Variants in SLX9 observed in about 807,000 individuals in gnomAD.
The protein encoded by SLX9 is SLX9 ribosome biogenesis factor.
Under a neutral mutation model 20.8 loss-of-function variants are expected in SLX9, and 19 were observed. That is an observed-to-expected ratio of 0.91 (90% confidence interval 0.64 to 1.34). SLX9 has a LOEUF of 1.34. Among genes scored for constraint, SLX9 ranks in the 40% most tolerant of loss-of-function variants. SLX9 has a pLI of 0.00. For missense variants in SLX9, 299 were observed against 322.2 expected (o/e 0.93, Z 0.55); for synonymous variants, 113 against 137.1 (o/e 0.82, Z 1.23).
intron 5 of SLX9, among the ~76,000 whole-genome samples, chr21:44,975,984 G>A (rs2085253798): frequency 6.6e-6 from 1 of 152,266 alleles, no homozygotes; most frequent in South Asian, 2.1e-4. Context: ...AGGCCGGAGG[G>A]GTACAGGCCC....
At chr21:44,971,179 G>GACCCCCCACGCTCTGGACCTCC (rs1222579976) in intron 4 of SLX9, among the ~76,000 whole-genome samples, 2 of 152,264 alleles carry the variant, frequency 1.3e-5, no homozygotes, top group African/African-American at 4.8e-5. Flanking sequence ...GTCGGGAGGG[G>GACCCCCCACGCTCTGGACCTCC]AGTGGTGGTG....
intron 2 of SLX9, among the ~76,000 whole-genome samples, chr21:44,946,247 T>A (rs142095246): frequency 3.5e-4 from 53 of 151,760 alleles, no homozygotes; most frequent in African/African-American, 1.2e-3. Flanking sequence ...GTAATTAATT[T>A]TTTTCTTAAT....
chr21:44,940,197 G>T lies in SLX9; in HGVS notation c.129+11G>T. ...TCGGCCGCGGGGAAGGTGAGCTGGG[G>T]AGGCGCTGGCCGGGGGCTGCCGCGT... On this transcript the variant is annotated intron_variant, in intron 1 of 5. Coordinates refer to ENST00000291634, the MANE Select transcript of SLX9 (RefSeq NM_058190.4). 8.1e-7 allele frequency: 1 copy of T among 1,239,368 alleles called. No homozygotes were observed. The highest frequency in any genetic ancestry group is 1.0e-6 in the Non-Finnish European group (1 of 988,046). 76.8% of individuals were successfully genotyped at this position (1,239,368 alleles called of 1,614,324 possible).
chr21:44,956,112 TTTTC>T (rs1222664074), intron 2 of SLX9, among the ~76,000 whole-genome samples: 3 of 152,232 alleles, frequency 2.0e-5, no homozygotes, highest in Non-Finnish European at 4.4e-5. Flanking sequence ...CTTTTCCTGT[TTTTC>T]TTTTCGGCTG....
At chr21:44,946,449 G>C (rs192581215) in intron 2 of SLX9, among the ~76,000 whole-genome samples, 2 of 150,610 alleles carry the variant, frequency 1.3e-5, no homozygotes, top group Admixed American at 6.5e-5. Flanking sequence ...TATTTGAGCC[G>C]TGCGGCAGGG....
In SLX9 at chr21:44,973,233, C is replaced by T. The variant is rs2085190470; in HGVS notation, c.537C>T (p.Ser179=). 1.9e-6 allele frequency: 3 copies of T among 1,612,838 alleles called. No homozygotes were observed. Among genetic ancestry groups the T allele is most frequent in the South Asian group, 2.2e-5 (2 of 91,066 alleles). Residue 179 remains serine, a synonymous_variant, in exon 5 of 6, where the codon AGC becomes AGT. Coordinates refer to ENST00000291634, the MANE Select transcript of SLX9 (RefSeq NM_058190.4). ...ACAAGCCCCGGCCCTCAGAGCTCAG[C>T]CGGATGAGCGCAGCCCAGAGACAGC... ...ESNKPRPSEL[S]RMSAAQRQQL...
chr21:44,953,065 G>A (rs545708780), intron 2 of SLX9, among the ~76,000 whole-genome samples: 2 of 152,256 alleles, frequency 1.3e-5, no homozygotes, highest in South Asian at 4.1e-4. Context: ...GCCTCTGGCA[G>A]CCTCCCCCTT....
chr21:44,942,695 G>A (rs1272224288), intron 1 of SLX9, among the ~76,000 whole-genome samples: 2 of 152,218 alleles, frequency 1.3e-5, no homozygotes, highest in East Asian at 3.8e-4. Flanking sequence ...ATAAGGAAAT[G>A]AAGACAAGGA....
At position 44,976,713 on chromosome 21, in the gene SLX9, G is replaced by A. The variant is rs1384856814; in HGVS notation, c.603G>A (p.Leu201=). ...AAAGGACCCGGTTTCAGGAGCTGCT[G>A]GCCAGTCCGGCCTACAGAGCCAGCC... The part of the protein sequence containing the change: ...EEERTRFQEL[L]ASPAYRASPL... Residue 201 remains leucine (L), a synonymous_variant, in exon 6 of 6, where the codon CTG becomes CTA. Transcript: ENST00000291634. 3.2e-6 allele frequency: 5 copies of A among 1,575,368 alleles called. No individual in the cohort carries two copies. The highest frequency in any genetic ancestry group is 4.3e-6 in the Non-Finnish European group (5 of 1,161,180).
intron 5 of SLX9, among the ~76,000 whole-genome samples, chr21:44,974,262 G>A (rs1283564488): frequency 1.3e-5 from 2 of 151,630 alleles, no homozygotes. Context: ...GTTCTACCGA[G>A]GCCCATTGTG....
At chr21:44,959,882 G>C (rs891735109) in intron 2 of SLX9, among the ~76,000 whole-genome samples, 2 of 152,176 alleles carry the variant, frequency 1.3e-5, no homozygotes, top group South Asian at 2.1e-4. Flanking sequence ...CCATCACTGC[G>C]GGGGGACGCT....
At chr21:44,949,498 C>A (rs528164743) in intron 2 of SLX9, among the ~76,000 whole-genome samples, 2 of 152,108 alleles carry the variant, frequency 1.3e-5, no homozygotes, top group Admixed American at 1.3e-4. Flanking sequence ...GCTCCGCCTA[C>A]CCCCCAGAAC....
chr21:44,955,684 C>T (rs144205217), intron 2 of SLX9, among the ~76,000 whole-genome samples: 151 of 152,300 alleles, frequency 9.9e-4, no homozygotes, highest in African/African-American at 3.6e-3. Flanking sequence ...TGCTCCCGGC[C>T]CCCTCTTTTC....
intron 2 of SLX9, among the ~76,000 whole-genome samples, chr21:44,944,396 C>G (rs1358245297): frequency 6.6e-6 from 1 of 152,192 alleles, no homozygotes; most frequent in Non-Finnish European, 1.5e-5. Context: ...GGAACTCCCA[C>G]TCACTCCAGT....
At chr21:44,944,156 C>T (rs2084600879) in intron 2 of SLX9, among the ~76,000 whole-genome samples, 8 of 152,238 alleles carry the variant, frequency 5.3e-5, no homozygotes, top group Admixed American at 5.2e-4. Flanking sequence ...TTCTTTCGGT[C>T]TGTCTGTATG....
chr21:44,957,082 C>G (rs79247825), intron 2 of SLX9, among the ~76,000 whole-genome samples: 1 of 152,240 alleles, frequency 6.6e-6, no homozygotes, highest in Admixed American at 6.5e-5. Context: ...GCAGCCTGTA[C>G]CTGCGTGCAC....
chr21:44,974,969 G>A (rs991501440), intron 5 of SLX9, among the ~76,000 whole-genome samples: 5 of 152,210 alleles, frequency 3.3e-5, no homozygotes, highest in African/African-American at 1.2e-4. Flanking sequence ...TGTCCTTGCG[G>A]TCGCGGCATT....
At chr21:44,973,706 C>G (rs1006806607) in intron 5 of SLX9, among the ~76,000 whole-genome samples, 1 of 151,746 alleles carries the variant, frequency 6.6e-6, no homozygotes, top group Admixed American at 6.6e-5. Context: ...GCCCCCACCC[C>G]GCCCTCTCCA....
chr21:44,971,236 G>T (rs2085141180), intron 4 of SLX9, among the ~76,000 whole-genome samples: 1 of 151,428 alleles, frequency 6.6e-6, no homozygotes, highest in African/African-American at 2.4e-5. Context: ...GCTGGTGAGG[G>T]TCCACACTGG....
Sources: allele counts gnomAD v4.1 joint callset (sites outside exome capture counted in the v4.1 genomes callset), GRCh38; gene constraint gnomAD v4.1.1; transcripts MANE v1.5; gene names NCBI Gene and HGNC (gene_info 2026-07-23, HGNC 2026-07-21).